PAN3: variants seen among roughly 807,000 people sequenced by gnomAD.
The protein encoded by PAN3 is PAN2-PAN3 deadenylation complex subunit PAN3.
A neutral mutation model predicts 96.2 loss-of-function variants in PAN3; 19 were observed. The observed-to-expected ratio is 0.20, with a 90% CI of 0.14 to 0.29. PAN3 has a LOEUF of 0.29. PAN3 is among the 10% of genes least tolerant of loss of function. PAN3 has a pLI of 1.00. For synonymous variants in PAN3, 433 were observed against 406.6 expected, an observed-to-expected ratio of 1.06 and a Z score of -0.78; for missense variants, 882 against 1,108.1, an observed-to-expected ratio of 0.80 and a Z score of 2.90.
At chr13:28,181,079 T>A (rs1875707593) in intron 4 of PAN3, among the ~76,000 whole-genome samples, 1 of 152,202 alleles carries the variant, frequency 6.6e-6, no homozygotes, top group African/African-American at 2.4e-5. Context: ...GCAAAAGGTA[T>A]GCTTGCTTAC....
chr13:28,220,085 C>G (rs1317713216), intron 5 of PAN3, 146 bp from the exon 6 acceptor site: 3 of 746,658 alleles, frequency 4.0e-6, no homozygotes, highest in Admixed American at 3.0e-5. Context: ...TTATGACACA[C>G]CAAAATATGG....
In PAN3 at chr13:28,201,918, G is replaced by A. The variant is rs991492661; in HGVS notation, c.852+4572G>A. Among the ~76,000 whole-genome samples the A allele has an allele frequency of 1.8e-4, 28 of 152,038 alleles. 2 individuals are homozygous for A. The highest frequency in any genetic ancestry group is 1.7e-3 in the Admixed American group (26 of 15,252). On this transcript the variant is annotated intron_variant, in intron 5 of 18. Coordinates refer to ENST00000380958, the MANE Select transcript of PAN3 (RefSeq NM_175854.8). ...ACAAATCTGGAAAGTCTAGAAATAC[G>A]GTTTAATTTTTGGTTTTCCAGATTT...
At chr13:28,156,551 T>C (rs1394562870) in intron 1 of PAN3, among the ~76,000 whole-genome samples, 1 of 152,170 alleles carries the variant, frequency 6.6e-6, no homozygotes, top group Non-Finnish European at 1.5e-5. Context: ...TTCCTCCTTA[T>C]CTCATTCAAT....
At chr13:28,147,736 C>G (rs767516637) in intron 1 of PAN3, among the ~76,000 whole-genome samples, 7 of 152,126 alleles carry the variant, frequency 4.6e-5, no homozygotes, top group Non-Finnish European at 1.0e-4. Context: ...TATCATTTTT[C>G]ACATCATCAT....
chr13:28,282,954 T>C (rs1868476009), intron 17 of PAN3, among the ~76,000 whole-genome samples: 1 of 152,222 alleles, frequency 6.6e-6, no homozygotes, highest in Admixed American at 6.5e-5. Context: ...AAGGTGAGTT[T>C]TTTTAGTCTT....
Position 28,293,949 on chromosome 13 carries a change from C to G in PAN3, c.*1427C>G, listed in dbSNP as rs1457873366. The G allele has an allele frequency of 6.6e-6, 1 of 152,656 alleles. No homozygotes were observed. Among genetic ancestry groups the G allele is most frequent in the Non-Finnish European group, 1.5e-5 (1 of 68,042 alleles). The allele number at this position is 152,656 out of a possible 1,614,324, so 9.5% of individuals were successfully genotyped here. A position where few individuals can be genotyped will look rare whatever the true frequency, so the allele number is the denominator to read the frequency against. ...AAAGGTCAGGACAGACTTCCAAGCACTTGCAACTGATGTTACTGTCTTCAA... is the reference window on the plus strand; with the variant it reads ...AAAGGTCAGGACAGACTTCCAAGCAGTTGCAACTGATGTTACTGTCTTCAA... On this transcript the variant is annotated 3_prime_UTR_variant, in exon 19 of 19. Transcript: ENST00000380958.
chr13:28,171,509 C>T (rs1244088560), intron 1 of PAN3, among the ~76,000 whole-genome samples: 1 of 152,226 alleles, frequency 6.6e-6, no homozygotes, highest in Non-Finnish European at 1.5e-5. Context: ...TTCTATCCGA[C>T]TTGGCTACAA....
intron 6 of PAN3, among the ~76,000 whole-genome samples, chr13:28,248,520 CTT>C (rs60546953): frequency 1.3e-5 from 2 of 150,616 alleles, no homozygotes; most frequent in African/African-American, 4.9e-5. Flanking sequence ...AGGAAAGGCT[CTT>C]TTTTTTTTCT....
intron 1 of PAN3, among the ~76,000 whole-genome samples, chr13:28,155,816 C>T (rs192012502): frequency 1.8e-3 from 272 of 152,120 alleles, no homozygotes; most frequent in African/African-American, 6.2e-3. Flanking sequence ...ATGTATGAGG[C>T]ATACATACCT....
rs566045089 is a variant in PAN3 at position 28,143,333 on chromosome 13, C to T, written c.430+4246C>T. ...TTTGATTTGTATTCAACTGCATTAT[C>T]GATTCTTGACATTTAATGATGTAAT... On this transcript the variant is annotated intron_variant, in intron 1 of 18. Transcript: ENST00000380958. 3.9e-5 allele frequency among the ~76,000 whole-genome samples: 6 copies of T among 152,172 alleles called. No individual in the cohort carries two copies. In the South Asian group the frequency reaches 8.3e-4, roughly 21 times the overall value.
At chr13:28,285,584 G>T (rs1384860515) in intron 17 of PAN3, among the ~76,000 whole-genome samples, 2 of 152,082 alleles carry the variant, frequency 1.3e-5, no homozygotes. Context: ...CTGGGACATG[G>T]TCTTCATTGT....
At chr13:28,192,348 G>A (rs923644164) in intron 4 of PAN3, among the ~76,000 whole-genome samples, 10 of 152,112 alleles carry the variant, frequency 6.6e-5, no homozygotes, top group East Asian at 3.9e-4. Context: ...GATTATAGGC[G>A]TGAGCCACCG....
At chr13:28,262,669 A>G (rs545893649) in intron 9 of PAN3, among the ~76,000 whole-genome samples, 2 of 152,050 alleles carry the variant, frequency 1.3e-5, no homozygotes, top group Admixed American at 6.6e-5. Flanking sequence ...TAAACCTACC[A>G]TCTATAAATC....
chr13:28,292,284 A>C (rs981953834), intron 18 of PAN3, 98 bp from the exon 19 acceptor site: 21 of 942,720 alleles, frequency 2.2e-5, no homozygotes, highest in East Asian at 2.1e-4. Context: ...GGAATGTGAC[A>C]AAAAAAATTT....
intron 6 of PAN3, among the ~76,000 whole-genome samples, chr13:28,247,336 A>C (rs898837867): frequency 6.6e-6 from 1 of 151,946 alleles, no homozygotes; most frequent in Non-Finnish European, 1.5e-5. Context: ...CTAATCATCA[A>C]TTTCCCGATG....
chr13:28,279,385 T>C (rs893971637), intron 15 of PAN3, among the ~76,000 whole-genome samples: 3 of 152,162 alleles, frequency 2.0e-5, no homozygotes, highest in African/African-American at 7.2e-5. Flanking sequence ...GTTCTGAAAA[T>C]TAATCTTTGC....
At chr13:28,163,566 A>G (rs1227415427) in intron 1 of PAN3, among the ~76,000 whole-genome samples, 1 of 152,218 alleles carries the variant, frequency 6.6e-6, no homozygotes, top group African/African-American at 2.4e-5. Context: ...TTACTTGCTC[A>G]TGCTCATATA....
chr13:28,292,469 T>G lies in PAN3; in HGVS notation c.2611T>G (p.Cys871Gly). 6 of 1,612,726 alleles carry G rather than the reference T, an allele frequency of 3.7e-6. No individual in the cohort carries two copies. The highest frequency in any genetic ancestry group is 5.1e-6 in the Non-Finnish European group (6 of 1,179,548). The part of the protein sequence containing the change: ...LVVTYSDLKR[C>G]FENTFQELIA... ...GGTGACCTACAGTGACTTAAAGCGC[T>G]GCTTTGAAAATACTTTTCAAGAACT... The change falls in exon 19 of 19, where the codon TGC (cysteine) becomes GGC (glycine). Residue 871 changes from cysteine (C) to glycine (G), a missense_variant. Coordinates refer to ENST00000380958, the MANE Select transcript of PAN3 (RefSeq NM_175854.8).
intron 2 of PAN3, among the ~76,000 whole-genome samples, chr13:28,175,752 A>G (rs966022418): frequency 2.0e-5 from 3 of 152,140 alleles, no homozygotes; most frequent in Non-Finnish European, 2.9e-5. Flanking sequence ...CCTTATTTTA[A>G]CTGCCTGTGA....
Sources: allele counts gnomAD v4.1 joint callset (sites outside exome capture counted in the v4.1 genomes callset), GRCh38; gene constraint gnomAD v4.1.1; transcripts MANE v1.5; gene names NCBI Gene and HGNC (gene_info 2026-07-23, HGNC 2026-07-21).